The following IPO7 variants were observed in gnomAD, a reference collection of about 807,000 sequenced individuals.
IPO7 encodes the protein importin-7.
A neutral mutation model predicts 136.4 loss-of-function variants in IPO7; 13 were observed. That is an observed-to-expected ratio of 0.10 (90% CI 0.06 to 0.15). The LOEUF is 0.15. IPO7 is among the 10% of genes least tolerant of loss of function. IPO7 has a pLI of 1.00. For synonymous variants in IPO7, 403 were observed against 404.4 expected (o/e 1.00, Z 0.04); for missense variants, 857 against 1,240.6 (o/e 0.69, Z 4.65).
chr11:9,403,491 A>G, intron 2 of IPO7, 120 bp downstream of exon 2: 1 of 674,426 alleles, frequency 1.5e-6, no homozygotes, highest in South Asian at 1.8e-5. Context: ...TAATTTGTTT[A>G]CCTTCAGTGT....
intron 4 of IPO7, among the ~76,000 whole-genome samples, chr11:9,412,747 G>C (rs1854984450): frequency 6.6e-6 from 1 of 152,044 alleles, no homozygotes; most frequent in African/African-American, 2.4e-5. Flanking sequence ...TGTGAGGATA[G>C]CTTGAGCCTG....
At chr11:9,444,336 A>G (rs1208868610) in intron 24 of IPO7, among the ~76,000 whole-genome samples, 2 of 151,514 alleles carry the variant, frequency 1.3e-5, no homozygotes, top group Non-Finnish European at 2.9e-5. Context: ...AATGCAAACA[A>G]TTATCTATAG....
At chr11:9,415,090 G>A (rs1408884544) in intron 5 of IPO7, among the ~76,000 whole-genome samples, 3 of 151,820 alleles carry the variant, frequency 2.0e-5, no homozygotes, top group Non-Finnish European at 2.9e-5. Context: ...GGCTGTGGTG[G>A]GCGCATCACC....
At position 9,442,083 on chromosome 11, in the gene IPO7, A is replaced by G; in HGVS notation, c.2905A>G (p.Ile969Val). 1.3e-6 allele frequency: 2 copies of G among 1,492,042 alleles called. No homozygotes were observed. Among genetic ancestry groups the G allele is most frequent in the Non-Finnish European group, 1.9e-6 (2 of 1,072,470 alleles). 92.4% of individuals were successfully genotyped at this position (1,492,042 alleles called of 1,614,324 possible). Residue 969 changes from isoleucine to valine, a missense_variant and splice_region_variant, in exon 24 of 25, where the codon ATT (isoleucine) becomes GTT (valine). Coordinates refer to ENST00000379719, the MANE Select transcript of IPO7 (RefSeq NM_006391.3). ...YQIFKAIFQT[I>V]QNRNPVWYQA... ...CCCTTGTTTTTATTTTTTGATAGCT[A>G]TTCAAAATCGTAATCCTGTGTGGTA...
chr11:9,425,422 C>G, intron 12 of IPO7, 160 bp downstream of exon 12: 2 of 602,136 alleles, frequency 3.3e-6, no homozygotes. Context: ...GCCTGGGCAA[C>G]ATAGTGATAC....
In IPO7 at chr11:9,397,341, A is replaced by AAAAAAATATAT; in HGVS notation, c.85-5948_85-5947insAAAAATATATA. Among the ~76,000 whole-genome samples, 46 of 10,764 alleles carry AAAAAAATATAT rather than the reference A, an allele frequency of 4.3e-3. 1 individual carries two copies. Among genetic ancestry groups the AAAAAAATATAT allele is most frequent in the Admixed American group, 0.01 (5 of 480 alleles). 7.1% of individuals were successfully genotyped at this position (10,764 alleles called of 152,430 possible). A position where few individuals can be genotyped will look rare whatever the true frequency, so the allele number is the denominator to read the frequency against. On this transcript the variant is annotated intron_variant, in intron 1 of 24. Transcript: ENST00000379719. Reference sequence around the variant, plus strand: ...CTTTACTAAAAATAATTTAAAAAAAAATATATATATATATATATATATATT... The same window carrying AAAAAAATATAT: ...CTTTACTAAAAATAATTTAAAAAAAAAAAAAATATATATATATATATATATATATATATATT...
At chr11:9,435,864 T>C (rs886560804) in intron 19 of IPO7, among the ~76,000 whole-genome samples, 2 of 152,208 alleles carry the variant, frequency 1.3e-5, no homozygotes, top group African/African-American at 4.8e-5. Flanking sequence ...GTTGTTTTCT[T>C]TTTTAAAGAG....
intron 4 of IPO7, among the ~76,000 whole-genome samples, chr11:9,410,438 C>T (rs1034131807): frequency 1.3e-5 from 2 of 152,064 alleles, no homozygotes; most frequent in African/African-American, 2.4e-5. Context: ...GATTAAAGCT[C>T]TTTATTACTT....
In IPO7 at chr11:9,424,911, T is replaced by C. The variant is rs1350544599; in HGVS notation, c.1142-3T>C. The stretch of plus-strand genomic sequence containing the variant: ...TTGTCTTAATTTTAAACTTGTTCTC[T>C]AGATGTGTTTGAAGATTTCATTTCT... On this transcript the variant is annotated splice_polypyrimidine_tract_variant and splice_region_variant and intron_variant, in intron 10 of 24. Coordinates refer to ENST00000379719, the MANE Select transcript of IPO7 (RefSeq NM_006391.3). 1 of 1,567,840 alleles carries C rather than the reference T, an allele frequency of 6.4e-7. No individual in the cohort carries two copies. Among genetic ancestry groups the C allele is most frequent in the Non-Finnish European group, 8.7e-7 (1 of 1,148,452 alleles).
At position 9,422,857 on chromosome 11, in the gene IPO7, A is replaced by G. The variant is rs144919889; in HGVS notation, c.907-149A>G. 355 of 445,916 alleles carry G rather than the reference A, an allele frequency of 8.0e-4. 2 individuals are homozygous for G. The highest frequency in any genetic ancestry group is 6.3e-3 in the African/African-American group (317 of 50,368). 27.6% of individuals were successfully genotyped at this position (445,916 alleles called of 1,614,324 possible). A position where few individuals can be genotyped will look rare whatever the true frequency, so the allele number is the denominator to read the frequency against. On this transcript the variant is annotated intron_variant, in intron 8 of 24. Coordinates refer to ENST00000379719, the MANE Select transcript of IPO7 (RefSeq NM_006391.3). ...TTCTCTTCTTTTCATTCTTAATCAG[A>G]AATGAGTTAAATTATTTTTCAAAGT...
At chr11:9,412,920 T>G (rs1854988157) in intron 4 of IPO7, among the ~76,000 whole-genome samples, 3 of 148,656 alleles carry the variant, frequency 2.0e-5, no homozygotes, top group African/African-American at 7.5e-5. Context: ...AGACGGAGTC[T>G]CTCTCTGTTG....
intron 22 of IPO7, among the ~76,000 whole-genome samples, chr11:9,439,378 A>ATGG (rs1855428698): frequency 6.6e-6 from 1 of 152,028 alleles, no homozygotes; most frequent in Non-Finnish European, 1.5e-5. Context: ...GGCCTCCCAA[A>ATGG]GTGCTGGGAT....
At chr11:9,432,196 C>CTA (rs1855303837) in intron 16 of IPO7, among the ~76,000 whole-genome samples, 1 of 149,700 alleles carries the variant, frequency 6.7e-6, no homozygotes, top group Non-Finnish European at 1.5e-5. Context: ...AGGTTTTTCA[C>CTA]TAAACTTTTT....
chr11:9,434,102 T>C (rs1338069715), intron 18 of IPO7, among the ~76,000 whole-genome samples: 1 of 152,078 alleles, frequency 6.6e-6, no homozygotes, highest in Non-Finnish European at 1.5e-5. Context: ...TTTGTATTTT[T>C]AGTAGAGACA....
chr11:9,406,877 AAAG>A (rs1272703234), intron 2 of IPO7, among the ~76,000 whole-genome samples: 1 of 152,192 alleles, frequency 6.6e-6, no homozygotes, highest in Non-Finnish European at 1.5e-5. Context: ...CTTTCTCAAA[AAAG>A]AAAAAAAAAT....
At chr11:9,409,298 G>T (rs1854935456) in intron 3 of IPO7, among the ~76,000 whole-genome samples, 1 of 151,844 alleles carries the variant, frequency 6.6e-6, no homozygotes, top group Non-Finnish European at 1.5e-5. Context: ...TAGTAGAGAC[G>T]AGGTTTTACC....
chr11:9,435,925 G>C (rs541839750), intron 19 of IPO7, among the ~76,000 whole-genome samples: 1 of 152,092 alleles, frequency 6.6e-6, no homozygotes, highest in African/African-American at 2.4e-5. Flanking sequence ...AGTTCTTTAC[G>C]TGAGAAAGGT....
At chr11:9,418,896 TTCAC>T (rs1855081985) in intron 6 of IPO7, among the ~76,000 whole-genome samples, 1 of 152,240 alleles carries the variant, frequency 6.6e-6, no homozygotes, top group Non-Finnish European at 1.5e-5. Context: ...CCTGGCTTCT[TTCAC>T]TTAATATATT....
intron 1 of IPO7, among the ~76,000 whole-genome samples, chr11:9,394,070 G>A (rs1854675723): frequency 6.6e-6 from 1 of 151,548 alleles, no homozygotes; most frequent in South Asian, 2.1e-4. Context: ...TTTAGAGATG[G>A]GTTCCACCAT....
Sources: gnomAD v4.1 joint callset for allele counts (sites outside exome capture counted in the v4.1 genomes callset) on GRCh38, gnomAD v4.1.1 for gene constraint, MANE v1.5 for transcripts, NCBI Gene and HGNC (gene_info 2026-07-23, HGNC 2026-07-21) for gene names.